The following CFAP54 variants were observed in gnomAD, a reference collection of about 807,000 sequenced individuals.
CFAP54 encodes the protein cilia and flagella associated protein 54.
In CFAP54, 290 loss-of-function variants were observed where a neutral mutation model predicts 370.4. That is an observed-to-expected ratio of 0.78 (90% CI 0.71 to 0.86). CFAP54 has a LOEUF of 0.86. Ranked by LOEUF, CFAP54 falls within the 40% of genes least tolerant of loss-of-function variation. The pLI, the probability that CFAP54 is intolerant of heterozygous loss-of-function variation, is 0.00. For missense variants in CFAP54, 3,399 were observed against 3,528.7 expected (o/e 0.96, Z 0.93); for synonymous variants, 1,206 against 1,236.5 (o/e 0.98, Z 0.52).
intron 4 of CFAP54, among the ~76,000 whole-genome samples, chr12:96,507,560 T>C (rs7132062): frequency 0.11 from 6,488 of 61,630 alleles, 147 homozygotes; most frequent in Non-Finnish European, 0.14. Context: ...CACACACACA[T>C]ACACACACAC....
intron 27 of CFAP54, among the ~76,000 whole-genome samples, chr12:96,623,001 A>G (rs746572741): frequency 8.6e-5 from 13 of 151,828 alleles, no homozygotes; most frequent in Admixed American, 6.6e-5. Flanking sequence ...CAGCCCCTTT[A>G]TGTCACCCAG....
At chr12:96,761,525 T>G (rs909384127) in intron 58 of CFAP54, among the ~76,000 whole-genome samples, 14 of 59,338 alleles carry the variant, frequency 2.4e-4, no homozygotes, top group African/African-American at 5.7e-4. Context: ...GATTGTGGGG[T>G]TTTTTTTGCG....
Position 96,658,060 on chromosome 12 carries a change from G to A in CFAP54, c.5279G>A (p.Trp1760Ter), listed in dbSNP as rs955157448. 9 of 1,613,670 alleles carry A rather than the reference G, an allele frequency of 5.6e-6. No individual in the cohort carries two copies. The African/African-American group carries it at 1.2e-4, about 22-fold the overall frequency. The part of the protein sequence containing the change: ...SLEVLYQVEK[W>*]ETLVSLAIQF... ...GAAGTTTTATATCAAGTGGAAAAAT[G>A]GGAAACACTAGTATCTCTTGCCATT... is the stretch of plus-strand genomic sequence containing the variant. Residue 1760 changes from tryptophan (W) to a stop codon, truncating the protein, a stop_gained, in exon 37 of 68, where the codon TGG (tryptophan) becomes TAG (stop). Coordinates refer to ENST00000524981, the MANE Select transcript of CFAP54 (RefSeq NM_001306084.2). LOFTEE classifies it high-confidence loss of function.
chr12:96,541,651 T>G (rs1299078893), intron 14 of CFAP54, among the ~76,000 whole-genome samples: 1 of 152,132 alleles, frequency 6.6e-6, no homozygotes, highest in African/African-American at 2.4e-5. Flanking sequence ...AGTGAATGCT[T>G]GAAGGAAGAC....
intron 52 of CFAP54, among the ~76,000 whole-genome samples, chr12:96,742,864 G>A (rs1262867332): frequency 2.6e-5 from 4 of 152,170 alleles, no homozygotes; most frequent in Non-Finnish European, 5.9e-5. Context: ...AGGCAACTAA[G>A]TGTAGGAGTG....
intron 30 of CFAP54, 70 bp from the exon 31 acceptor site, chr12:96,630,023 G>C: frequency 1.6e-6 from 1 of 631,482 alleles, no homozygotes; most frequent in Non-Finnish European, 2.6e-6. Context: ...AAACTTTAAA[G>C]ACATATTACT....
At chr12:96,518,820 G>A (rs11108564) in intron 5 of CFAP54, 108 bp from the exon 6 acceptor site, 540,302 of 1,009,728 alleles carry the variant, frequency 0.54, 147,499 homozygotes, top group East Asian at 0.76. Context: ...TTTTTGGTTT[G>A]AGTAATCAGC....
intron 39 of CFAP54, among the ~76,000 whole-genome samples, chr12:96,668,073 A>G (rs972593794): frequency 2.6e-5 from 4 of 152,162 alleles, no homozygotes; most frequent in African/African-American, 9.7e-5. Flanking sequence ...CCATATCACT[A>G]TCAACATTTT....
chr12:96,681,095 A>G (rs1030624048), intron 40 of CFAP54, among the ~76,000 whole-genome samples: 1 of 145,302 alleles, frequency 6.9e-6, no homozygotes, highest in African/African-American at 2.5e-5. Flanking sequence ...GAAACAGAAC[A>G]AAACAAAACA....
chr12:96,621,105 T>A (rs999119282), intron 26 of CFAP54, among the ~76,000 whole-genome samples: 10 of 152,210 alleles, frequency 6.6e-5, no homozygotes, highest in African/African-American at 2.4e-4. Context: ...AAACAGCTTC[T>A]ATCTAGCCTA....
intron 36 of CFAP54, among the ~76,000 whole-genome samples, chr12:96,653,047 G>C (rs540879319): frequency 6.6e-6 from 1 of 152,334 alleles, no homozygotes; most frequent in South Asian, 2.1e-4. Flanking sequence ...TGTGTCAGGA[G>C]GGTGACATGC....
chr12:96,572,371 C>T (rs1314613156), intron 19 of CFAP54, among the ~76,000 whole-genome samples: 2 of 151,886 alleles, frequency 1.3e-5, no homozygotes, highest in Non-Finnish European at 2.9e-5. Context: ...ACGTGAGATG[C>T]TCCAGAAAGA....
At chr12:96,527,016 C>G (rs1955390091) in intron 8 of CFAP54, among the ~76,000 whole-genome samples, 1 of 151,384 alleles carries the variant, frequency 6.6e-6, no homozygotes, top group Admixed American at 6.6e-5. Context: ...CCACCTCAGC[C>G]TCCCAAGTAG....
In CFAP54 at chr12:96,840,321, G is replaced by A. The variant is rs901529135; in HGVS notation, c.9171+11233G>A. Among the ~76,000 whole-genome samples, 83 of 152,294 alleles carry A rather than the reference G, an allele frequency of 5.4e-4. 1 individual carries two copies. The highest frequency in any genetic ancestry group is 1.9e-3 in the African/African-American group (79 of 41,566). On this transcript the variant is annotated intron_variant, in intron 66 of 67. Coordinates refer to ENST00000524981, the MANE Select transcript of CFAP54 (RefSeq NM_001306084.2). Reference sequence around the variant, plus strand: ...TCTGGGTACTGGATGGGACTTGCTTGCATGTACCCTATTGATGTGGAAGAG... The same window carrying A: ...TCTGGGTACTGGATGGGACTTGCTTACATGTACCCTATTGATGTGGAAGAG...
chr12:96,679,799 A>C lies in CFAP54; in HGVS notation c.5716+47A>C, dbSNP rs367834562. ...TCTGAATCTTTCTTTATGTGGGGTG[A>C]CCACCCTGCAGATGTCCCTCTTCTG... On this transcript the variant is annotated intron_variant, in intron 40 of 67. Transcript: ENST00000524981. 12 of 1,581,372 alleles carry C rather than the reference A, an allele frequency of 7.6e-6. No homozygotes were observed. The African/African-American group carries it at 1.2e-4, about 16-fold the overall frequency.
chr12:96,845,785 A>G (rs1319166539), intron 66 of CFAP54, among the ~76,000 whole-genome samples: 3 of 152,236 alleles, frequency 2.0e-5, no homozygotes, highest in African/African-American at 7.2e-5. Flanking sequence ...AAAAAATAGA[A>G]AATGAAGATC....
chr12:96,581,262 T>G (rs1956030125), intron 22 of CFAP54, among the ~76,000 whole-genome samples, 157 bp downstream of exon 22: 1 of 152,202 alleles, frequency 6.6e-6, no homozygotes. Flanking sequence ...AAAATATGAA[T>G]CATTCCTTCT....
At chr12:96,785,764 C>T (rs115164962) in intron 61 of CFAP54, among the ~76,000 whole-genome samples, 97 of 152,314 alleles carry the variant, frequency 6.4e-4, no homozygotes, top group African/African-American at 2.3e-3. Flanking sequence ...TGCTTTTCTG[C>T]CCTGGGCTTT....
chr12:96,747,846 C>A (rs1958134817), intron 55 of CFAP54, among the ~76,000 whole-genome samples: 1 of 152,216 alleles, frequency 6.6e-6, no homozygotes, highest in South Asian at 2.1e-4. Context: ...TGGCACACAA[C>A]AGTCATGCAC....
Sources: gnomAD v4.1 joint callset for allele counts (sites outside exome capture counted in the v4.1 genomes callset) on GRCh38, gnomAD v4.1.1 for gene constraint, MANE v1.5 for transcripts, NCBI Gene and HGNC (gene_info 2026-07-23, HGNC 2026-07-21) for gene names.